GPC5: variants seen among roughly 807,000 people sequenced by gnomAD.
The protein encoded by GPC5 is glypican-5.
In GPC5, 47 loss-of-function variants were observed where a neutral mutation model predicts 53.9. The ratio of observed to expected loss-of-function variants is 0.87; its 90% CI spans 0.69 to 1.11. The LOEUF is 1.11. Among genes scored for constraint, GPC5 ranks in the 50% most tolerant of loss-of-function variants. The pLI is 0.00. For missense variants in GPC5, 748 were observed against 713.1 expected, an observed-to-expected ratio of 1.05 and a Z score of -0.56; for synonymous variants, 286 against 263.3, an observed-to-expected ratio of 1.09 and a Z score of -0.84.
intron 2 of GPC5, among the ~76,000 whole-genome samples, chr13:91,515,888 C>T (rs921722244): frequency 7.9e-5 from 12 of 151,914 alleles, no homozygotes; most frequent in Non-Finnish European, 4.4e-5. Context: ...AGAATCATGG[C>T]AGGAGGTGAA....
intron 7 of GPC5, among the ~76,000 whole-genome samples, chr13:92,620,277 A>G (rs1884829005): frequency 6.6e-6 from 1 of 152,166 alleles, no homozygotes; most frequent in African/African-American, 2.4e-5. Flanking sequence ...AAAAGAATAA[A>G]GAAAATTAAA....
chr13:91,980,146 T>C (rs190874562), intron 6 of GPC5, among the ~76,000 whole-genome samples: 1 of 152,288 alleles, frequency 6.6e-6, no homozygotes, highest in African/African-American at 2.4e-5. Context: ...AATCCAACAC[T>C]GTGACAGAGA....
intron 6 of GPC5, among the ~76,000 whole-genome samples, chr13:92,031,202 C>G (rs1272184722): frequency 6.6e-6 from 1 of 152,124 alleles, no homozygotes; most frequent in African/African-American, 2.4e-5. Context: ...CAGGCTTACC[C>G]TTAAAACCTC....
chr13:91,660,997 T>TAA (rs1254810549), intron 2 of GPC5, among the ~76,000 whole-genome samples: 1 of 152,160 alleles, frequency 6.6e-6, no homozygotes, highest in Non-Finnish European at 1.5e-5. Flanking sequence ...TACATTCTTT[T>TAA]GAGAAAAAAA....
At chr13:92,015,331 G>T (rs1410534373) in intron 6 of GPC5, among the ~76,000 whole-genome samples, 4 of 152,102 alleles carry the variant, frequency 2.6e-5, no homozygotes, top group South Asian at 2.1e-4. Context: ...ACTGTCTAAG[G>T]AAATAACCCT....
intron 7 of GPC5, among the ~76,000 whole-genome samples, chr13:92,199,446 T>C (rs1304351738): frequency 2.0e-5 from 3 of 152,200 alleles, no homozygotes; most frequent in African/African-American, 7.2e-5. Context: ...TAGAAAATGG[T>C]TAATTCTCAA....
chr13:91,616,307 C>T (rs1300369717), intron 2 of GPC5, among the ~76,000 whole-genome samples: 1 of 150,058 alleles, frequency 6.7e-6, no homozygotes. Context: ...TTTCTTCAAA[C>T]TAAACAAATC....
At chr13:91,529,668 G>A (rs941457984) in intron 2 of GPC5, among the ~76,000 whole-genome samples, 1 of 152,190 alleles carries the variant, frequency 6.6e-6, no homozygotes, top group African/African-American at 2.4e-5. Flanking sequence ...CACCTGAAAA[G>A]TGAAGAAGGT....
intron 7 of GPC5, among the ~76,000 whole-genome samples, chr13:92,201,573 TC>T (rs1246703354): frequency 6.6e-6 from 1 of 151,608 alleles, no homozygotes; most frequent in Admixed American, 6.6e-5. Flanking sequence ...TGAACTCCAT[TC>T]CATTTTTTTT....
intron 7 of GPC5, among the ~76,000 whole-genome samples, chr13:92,198,841 AC>A (rs2042275027): frequency 6.6e-6 from 1 of 152,240 alleles, no homozygotes; most frequent in African/African-American, 2.4e-5. Context: ...ATGGTCATAT[AC>A]TAAAATGAGA....
At chr13:92,382,106 A>C (rs1296762163) in intron 7 of GPC5, among the ~76,000 whole-genome samples, 1 of 151,582 alleles carries the variant, frequency 6.6e-6, no homozygotes, top group African/African-American at 2.4e-5. Flanking sequence ...TAAATGAAGT[A>C]ACTCAGGTAT....
At chr13:92,528,080 C>G (rs986769059) in intron 7 of GPC5, among the ~76,000 whole-genome samples, 1 of 151,870 alleles carries the variant, frequency 6.6e-6, no homozygotes, top group Non-Finnish European at 1.5e-5. Flanking sequence ...CTGTCTATTC[C>G]AAAAATGCTA....
chr13:91,832,919 A>G (rs139574848), intron 5 of GPC5, among the ~76,000 whole-genome samples: 1,917 of 152,274 alleles, frequency 0.013, 20 homozygotes, highest in African/African-American at 0.028. Context: ...AGATAGAGAC[A>G]CGAAAAACCC....
At chr13:92,706,513 C>G (rs911192464) in intron 7 of GPC5, among the ~76,000 whole-genome samples, 1 of 151,980 alleles carries the variant, frequency 6.6e-6, no homozygotes, top group Non-Finnish European at 1.5e-5. Flanking sequence ...AAGTATAGAG[C>G]CAGCTCCCAC....
At chr13:91,427,262 C>A (rs915928108) in intron 1 of GPC5, among the ~76,000 whole-genome samples, 1 of 152,188 alleles carries the variant, frequency 6.6e-6, no homozygotes. Context: ...CACCATGAGC[C>A]TGGAGAAGTC....
chr13:91,877,060 C>G (rs757275421), intron 5 of GPC5, among the ~76,000 whole-genome samples: 6 of 152,182 alleles, frequency 3.9e-5, no homozygotes, highest in African/African-American at 7.2e-5. Context: ...ACACAAAAGT[C>G]AAGAATTGAG....
chr13:92,444,389 T>C (rs1225757499), intron 7 of GPC5, among the ~76,000 whole-genome samples: 4 of 152,098 alleles, frequency 2.6e-5, no homozygotes, highest in Admixed American at 2.6e-4. Context: ...TGCCAGGAAT[T>C]ATACAAGCTG....
chr13:92,131,406 G>A (rs2041742227), intron 6 of GPC5, among the ~76,000 whole-genome samples: 1 of 151,902 alleles, frequency 6.6e-6, no homozygotes, highest in African/African-American at 2.4e-5. Context: ...TATTCAATTA[G>A]CGTTATTTAT....
chr13:91,718,553 T>A (rs531570376), intron 3 of GPC5, among the ~76,000 whole-genome samples: 89 of 152,108 alleles, frequency 5.9e-4, no homozygotes, highest in Non-Finnish European at 1.0e-3. Context: ...GCTACCTAAC[T>A]CATGAGGGTT....
Sources: allele counts gnomAD v4.1 joint callset (sites outside exome capture counted in the v4.1 genomes callset), GRCh38; gene constraint gnomAD v4.1.1; transcripts MANE v1.5; gene names NCBI Gene and HGNC (gene_info 2026-07-23, HGNC 2026-07-21).